CDH20: variants seen among roughly 807,000 people sequenced by gnomAD.
The protein encoded by CDH20 is cadherin-20.
In CDH20, 29 loss-of-function variants were observed where a neutral mutation model predicts 74.2. The ratio of observed to expected loss-of-function variants is 0.39; its 90% CI spans 0.29 to 0.53. The LOEUF (loss-of-function observed/expected upper bound fraction) is 0.53, where lower values mean the gene tolerates loss of function less well. CDH20 is among the 20% of genes least tolerant of loss of function. The pLI is 0.69. For missense variants in CDH20, 988 were observed against 1,048.3 expected, an observed-to-expected ratio of 0.94 and a Z score of 0.79; for synonymous variants, 469 against 405.4, an observed-to-expected ratio of 1.16 and a Z score of -1.88.
At chr18:61,394,245 C>T (rs571314774) in intron 1 of CDH20, among the ~76,000 whole-genome samples, 48 of 152,226 alleles carry the variant, frequency 3.2e-4, no homozygotes, top group Non-Finnish European at 5.0e-4. Context: ...CCTAACACCA[C>T]GGTTATATAG....
At chr18:61,487,921 G>C (rs1405628343) in intron 1 of CDH20, among the ~76,000 whole-genome samples, 3 of 152,056 alleles carry the variant, frequency 2.0e-5, no homozygotes, top group African/African-American at 7.2e-5. Context: ...AGCAGAAGAG[G>C]AGACATCTGC....
At chr18:61,398,643 T>C (rs542843281) in intron 1 of CDH20, among the ~76,000 whole-genome samples, 2 of 152,298 alleles carry the variant, frequency 1.3e-5, no homozygotes, top group East Asian at 1.9e-4. Context: ...GTCTCCCCTA[T>C]CTACAGAGCA....
chr18:61,392,039 G>T (rs1420923659), intron 1 of CDH20, among the ~76,000 whole-genome samples: 2 of 151,878 alleles, frequency 1.3e-5, no homozygotes, highest in Non-Finnish European at 2.9e-5. Flanking sequence ...CGAATCTTTT[G>T]CCCCTCACTT....
At chr18:61,407,623 AAGGCATTT>A (rs1189291152) in intron 1 of CDH20, among the ~76,000 whole-genome samples, 1 of 152,214 alleles carries the variant, frequency 6.6e-6, no homozygotes, top group African/African-American at 2.4e-5. Context: ...ATATCTTTAC[AAGGCATTT>A]AGCCCCCGAT....
intron 11 of CDH20, 77 bp from the exon 12 acceptor site, chr18:61,554,113 A>T: frequency 1.3e-6 from 2 of 1,528,658 alleles, no homozygotes; most frequent in Admixed American, 3.7e-5. Flanking sequence ...ATCCGTGGTG[A>T]ATCAAGACTA....
chr18:61,534,069 T>A (rs1220040461), intron 7 of CDH20, among the ~76,000 whole-genome samples: 1 of 152,148 alleles, frequency 6.6e-6, no homozygotes, highest in Non-Finnish European at 1.5e-5. Flanking sequence ...TTAAAAAAAA[T>A]GTGCAAAATG....
chr18:61,544,720 C>G (rs1913171000), intron 9 of CDH20, among the ~76,000 whole-genome samples: 1 of 152,076 alleles, frequency 6.6e-6, no homozygotes, highest in Non-Finnish European at 1.5e-5. Flanking sequence ...GCTAAGGTCT[C>G]AAGTTCATAT....
intron 1 of CDH20, among the ~76,000 whole-genome samples, chr18:61,419,579 C>T (rs886079773): frequency 8.9e-4 from 136 of 152,266 alleles, no homozygotes; most frequent in African/African-American, 3.1e-3. Flanking sequence ...CTCACTAATA[C>T]TTTATATATC....
chr18:61,498,143 T>C (rs935033087), intron 2 of CDH20, among the ~76,000 whole-genome samples: 1 of 152,180 alleles, frequency 6.6e-6, no homozygotes, highest in East Asian at 1.9e-4. Context: ...CTCACACCTA[T>C]AATCCCAGCA....
chr18:61,555,020 CT>C lies in CDH20; in HGVS notation c.*329del. 1 of 1,160,734 alleles carries C rather than the reference CT, an allele frequency of 8.6e-7. No individual in the cohort carries two copies. The highest frequency in any genetic ancestry group is 3.6e-5 in the South Asian group (1 of 27,492). 71.9% of individuals were successfully genotyped at this position (1,160,734 alleles called of 1,614,324 possible). A position where few individuals can be genotyped will look rare whatever the true frequency, so the allele number is the denominator to read the frequency against. On this transcript the variant is annotated 3_prime_UTR_variant, in exon 12 of 12. Transcript: ENST00000262717. ...CTGCCATTCGCTAAGGCCTTTGTCA[CT>C]TTTCCACCACAGAAAGGCTCTGGCC...
chr18:61,356,859 C>T (rs992232899), intron 1 of CDH20, among the ~76,000 whole-genome samples: 5 of 152,158 alleles, frequency 3.3e-5, no homozygotes, highest in Non-Finnish European at 7.3e-5. Flanking sequence ...CGTTCATCAT[C>T]GTCATTTAAA....
intron 1 of CDH20, among the ~76,000 whole-genome samples, chr18:61,451,939 C>A (rs1909401881): frequency 6.6e-6 from 1 of 152,112 alleles, no homozygotes; most frequent in Admixed American, 6.6e-5. Flanking sequence ...TCACCTATTT[C>A]TGAAATTTGT....
intron 1 of CDH20, among the ~76,000 whole-genome samples, chr18:61,477,416 A>G (rs1374424731): frequency 6.6e-6 from 1 of 152,182 alleles, no homozygotes; most frequent in Admixed American, 6.5e-5. Flanking sequence ...AAGTATTTCT[A>G]TAGAATAGAT....
intron 1 of CDH20, among the ~76,000 whole-genome samples, chr18:61,345,551 C>A (rs1007831974): frequency 1.3e-5 from 2 of 152,148 alleles, no homozygotes; most frequent in Non-Finnish European, 2.9e-5. Context: ...CATTAGGGTA[C>A]CATTCCTTCA....
At chr18:61,551,356 T>C (rs1913424550) in intron 11 of CDH20, among the ~76,000 whole-genome samples, 1 of 152,194 alleles carries the variant, frequency 6.6e-6, no homozygotes, top group African/African-American at 2.4e-5. Context: ...GAAAAAGCCC[T>C]GAGGATTGAA....
chr18:61,498,226 C>A, intron 2 of CDH20, among the ~76,000 whole-genome samples: 1 of 151,906 alleles, frequency 6.6e-6, no homozygotes, highest in East Asian at 1.9e-4. Flanking sequence ...GTGGCCAAAC[C>A]CCCACTCTAC....
chr18:61,430,503 G>A (rs1913219219), intron 1 of CDH20, among the ~76,000 whole-genome samples: 1 of 152,108 alleles, frequency 6.6e-6, no homozygotes, highest in Non-Finnish European at 1.5e-5. Flanking sequence ...TGTACTCTTT[G>A]GAAGGAAGTT....
intron 1 of CDH20, among the ~76,000 whole-genome samples, chr18:61,397,469 G>A (rs1419076278): frequency 1.3e-5 from 2 of 152,046 alleles, no homozygotes; most frequent in East Asian, 1.9e-4. Flanking sequence ...TACTCTCAGG[G>A]CTCCCGGGCT....
At chr18:61,404,698 C>T (rs918175642) in intron 1 of CDH20, among the ~76,000 whole-genome samples, 39 of 151,336 alleles carry the variant, frequency 2.6e-4, no homozygotes, top group African/African-American at 9.2e-4. Context: ...AGCTGAGATA[C>T]AGAGATGGGA....
Sources: allele counts gnomAD v4.1 joint callset (sites outside exome capture counted in the v4.1 genomes callset), GRCh38; gene constraint gnomAD v4.1.1; transcripts MANE v1.5; gene names NCBI Gene and HGNC (gene_info 2026-07-23, HGNC 2026-07-21).